PDGFD: variants seen among roughly 807,000 people sequenced by gnomAD.
PDGFD encodes platelet-derived growth factor D.
A neutral mutation model predicts 44.7 loss-of-function variants in PDGFD; 30 were observed. That is an observed-to-expected ratio of 0.67 (90% CI 0.50 to 0.91). PDGFD has a LOEUF of 0.91. Among genes scored for constraint, PDGFD ranks in the 40% least tolerant of loss-of-function variants. The pLI is 0.00. For synonymous variants in PDGFD, 173 were observed against 168.4 expected (o/e 1.03, Z -0.21); for missense variants, 445 against 457.8 (o/e 0.97, Z 0.25).
intron 1 of PDGFD, among the ~76,000 whole-genome samples, chr11:104,019,772 G>T (rs759644027): frequency 6.6e-6 from 1 of 152,000 alleles, no homozygotes; most frequent in Non-Finnish European, 1.5e-5. Context: ...CTGCACAAAC[G>T]TTATATTTTC....
intron 1 of PDGFD, among the ~76,000 whole-genome samples, chr11:104,109,414 G>A (rs1318329804): frequency 6.6e-6 from 1 of 152,062 alleles, no homozygotes. Flanking sequence ...GAGATGATGT[G>A]ACCCTTGGAC....
At chr11:104,129,817 T>C (rs1861891306) in intron 1 of PDGFD, among the ~76,000 whole-genome samples, 1 of 151,958 alleles carries the variant, frequency 6.6e-6, no homozygotes, top group Non-Finnish European at 1.5e-5. Flanking sequence ...AAGACTAGCC[T>C]GGCCAACATG....
Position 104,119,169 on chromosome 11 carries a change from A to ATCG in PDGFD, c.124+44634_124+44635insCGA, listed in dbSNP as rs1215258889. 8.7e-3 allele frequency among the ~76,000 whole-genome samples: 77 copies of ATCG among 8,886 alleles called. 24 individuals carry two copies. The highest frequency in any genetic ancestry group is 0.026 in the South Asian group (2 of 78). The allele number at this position is 8,886 out of a possible 152,430, so 5.8% of individuals were successfully genotyped here. The stretch of plus-strand genomic sequence containing the variant: ...AATATAATATATTGATATAACATAT[A>ATCG]ATATATTAATATAATATATTGATAT... On this transcript the variant is annotated intron_variant, in intron 1 of 6. Transcript: ENST00000393158.
At chr11:104,104,594 A>G (rs1374872344) in intron 1 of PDGFD, among the ~76,000 whole-genome samples, 1 of 152,158 alleles carries the variant, frequency 6.6e-6, no homozygotes, top group Non-Finnish European at 1.5e-5. Flanking sequence ...ACAGGTTTGT[A>G]GCCTAGGACC....
At chr11:103,973,465 A>C (rs1431756251) in intron 3 of PDGFD, among the ~76,000 whole-genome samples, 3 of 152,134 alleles carry the variant, frequency 2.0e-5, no homozygotes, top group Admixed American at 2.0e-4. Flanking sequence ...GGATTAGAAG[A>C]AGCCCCAACT....
intron 1 of PDGFD, among the ~76,000 whole-genome samples, chr11:104,117,129 A>G (rs1861653757): frequency 6.6e-6 from 1 of 152,082 alleles, no homozygotes; most frequent in Non-Finnish European, 1.5e-5. Flanking sequence ...AAAAACAAAA[A>G]TCAAATGATC....
chr11:103,929,804 A>G (rs1353117197), intron 5 of PDGFD, among the ~76,000 whole-genome samples: 1 of 152,192 alleles, frequency 6.6e-6, no homozygotes, highest in East Asian at 1.9e-4. Context: ...CTGATAAGCC[A>G]GTGCAGCAGA....
chr11:103,934,275 G>C (rs1341373919), intron 5 of PDGFD, among the ~76,000 whole-genome samples: 3 of 152,156 alleles, frequency 2.0e-5, no homozygotes, highest in East Asian at 1.9e-4. Flanking sequence ...CCTCTCAGTA[G>C]GTATGCCCAC....
At chr11:104,023,147 T>C (rs1347501662) in intron 1 of PDGFD, among the ~76,000 whole-genome samples, 3 of 152,274 alleles carry the variant, frequency 2.0e-5, no homozygotes, top group African/African-American at 7.2e-5. Flanking sequence ...AAATCTGCTA[T>C]AACTATGACC....
chr11:104,142,090 TTAATGA>T (rs1019605153), intron 1 of PDGFD, among the ~76,000 whole-genome samples: 3 of 152,198 alleles, frequency 2.0e-5, no homozygotes, highest in Non-Finnish European at 2.9e-5. Flanking sequence ...TACTGCCATA[TTAATGA>T]TAATACATAC....
At chr11:103,971,083 C>T (rs567409109) in intron 3 of PDGFD, among the ~76,000 whole-genome samples, 248 of 152,208 alleles carry the variant, frequency 1.6e-3, no homozygotes, top group Middle Eastern at 3.4e-3. Flanking sequence ...ATCTGTCTTC[C>T]ACTGTGAATA....
intron 1 of PDGFD, among the ~76,000 whole-genome samples, chr11:104,160,992 G>A (rs904949212): frequency 6.6e-6 from 1 of 152,106 alleles, no homozygotes; most frequent in East Asian, 1.9e-4. Context: ...TATTAGGCTG[G>A]ACAGGATAAA....
At chr11:103,970,312 A>G (rs565606866) in intron 3 of PDGFD, among the ~76,000 whole-genome samples, 37 of 152,228 alleles carry the variant, frequency 2.4e-4, no homozygotes, top group African/African-American at 8.4e-4. Context: ...AAAAGTTGCC[A>G]TGACTTCTTT....
rs978367012 is a variant in PDGFD, at chr11:104,045,994, A to T, written c.125-45739T>A. On this transcript the variant is annotated intron_variant, in intron 1 of 6. Coordinates refer to ENST00000393158, the MANE Select transcript of PDGFD (RefSeq NM_025208.5). ...GAAACTGGGGGGCAAGCAGAGGAAG[A>T]TATTACCAGATTGTTATGTTGCCAT... is the stretch of plus-strand genomic sequence containing the variant. 6.8e-5 allele frequency among the ~76,000 whole-genome samples: 10 copies of T among 147,040 alleles called. 1 individual carries two copies. Among genetic ancestry groups the T allele is most frequent in the South Asian group, 2.3e-4 (1 of 4,318 alleles).
intron 1 of PDGFD, among the ~76,000 whole-genome samples, chr11:104,032,306 T>C (rs1329142100): frequency 6.6e-6 from 1 of 152,198 alleles, no homozygotes; most frequent in Non-Finnish European, 1.5e-5. Context: ...AATAAAAGAA[T>C]TATGAAAACA....
chr11:104,145,129 G>C (rs1016219126), intron 1 of PDGFD, among the ~76,000 whole-genome samples: 2 of 152,138 alleles, frequency 1.3e-5, no homozygotes, highest in East Asian at 3.8e-4. Context: ...GTACTGAGAG[G>C]GGTTGAGTAA....
intron 6 of PDGFD, among the ~76,000 whole-genome samples, chr11:103,916,108 T>C (rs1591074369): frequency 2.6e-5 from 4 of 152,022 alleles, no homozygotes; most frequent in Middle Eastern, 3.4e-3. Flanking sequence ...GATTAAACTA[T>C]AGAGCTTCTG....
At chr11:104,072,971 C>A (rs1412521194) in intron 1 of PDGFD, among the ~76,000 whole-genome samples, 1 of 151,982 alleles carries the variant, frequency 6.6e-6, no homozygotes, top group Non-Finnish European at 1.5e-5. Context: ...AATTCCTTAT[C>A]TTTTCTTTAA....
At chr11:104,021,718 AT>A (rs1317785993) in intron 1 of PDGFD, among the ~76,000 whole-genome samples, 2 of 152,134 alleles carry the variant, frequency 1.3e-5, no homozygotes, top group Non-Finnish European at 2.9e-5. Flanking sequence ...AGAATAAATG[AT>A]TTCTGTTTTA....
Sources: allele counts gnomAD v4.1 joint callset (sites outside exome capture counted in the v4.1 genomes callset), GRCh38; gene constraint gnomAD v4.1.1; transcripts MANE v1.5; gene names NCBI Gene and HGNC (gene_info 2026-07-23, HGNC 2026-07-21).